The following DLG2 variants were observed in gnomAD, a reference collection of about 807,000 sequenced individuals.
The protein encoded by DLG2 is discs large MAGUK scaffold protein 2, also known as disks large homolog 2.
DLG2 carries 45 observed loss-of-function variants against 132.5 expected under a neutral mutation model. The observed-to-expected ratio is 0.34, with a 90% CI of 0.27 to 0.44. The LOEUF (loss-of-function observed/expected upper bound fraction) is 0.44. Ranked by LOEUF, DLG2 falls within the 20% of genes least tolerant of loss-of-function variation. The pLI, the probability that DLG2 is intolerant of heterozygous loss-of-function variation, is 1.00. For missense variants in DLG2, 1,045 were observed against 1,196.9 expected, an observed-to-expected ratio of 0.87 and a Z score of 1.87; for synonymous variants, 424 against 419.6, an observed-to-expected ratio of 1.01 and a Z score of -0.13.
chr11:84,748,707 C>T (rs967231564), intron 6 of DLG2, among the ~76,000 whole-genome samples: 12 of 152,172 alleles, frequency 7.9e-5, no homozygotes, highest in Admixed American at 3.3e-4. Context: ...GTAAAGGTTA[C>T]GCGGACTGTA....
At chr11:84,227,973 A>C (rs1371080969) in intron 8 of DLG2, among the ~76,000 whole-genome samples, 7 of 152,044 alleles carry the variant, frequency 4.6e-5, no homozygotes, top group Non-Finnish European at 5.9e-5. Flanking sequence ...CACACCACAA[A>C]ATCTGGACTC....
At chr11:83,520,482 T>A (rs1489866739) in intron 21 of DLG2, among the ~76,000 whole-genome samples, 1 of 152,244 alleles carries the variant, frequency 6.6e-6, no homozygotes, top group Non-Finnish European at 1.5e-5. Context: ...AGTCATGATA[T>A]ACCTTTCATT....
At chr11:85,535,067 A>G (rs981660532) in intron 3 of DLG2, among the ~76,000 whole-genome samples, 8 of 152,094 alleles carry the variant, frequency 5.3e-5, no homozygotes, top group Non-Finnish European at 7.4e-5. Context: ...TGTGGTTTTG[A>G]CTTGTATTTC....
At chr11:84,860,317 ACCT>A (rs1205503607) in intron 6 of DLG2, among the ~76,000 whole-genome samples, 1 of 152,038 alleles carries the variant, frequency 6.6e-6, no homozygotes, top group Middle Eastern at 3.2e-3. Context: ...TTCTGTCACC[ACCT>A]CAACACTAAT....
chr11:84,798,563 T>C (rs75012015), intron 6 of DLG2, among the ~76,000 whole-genome samples: 3,393 of 152,238 alleles, frequency 0.022, 133 homozygotes, highest in African/African-American at 0.076. Flanking sequence ...AGACTCACCC[T>C]TCAGGACAGA....
chr11:83,891,458 AAG>A (rs932603616), intron 15 of DLG2, among the ~76,000 whole-genome samples: 3 of 152,228 alleles, frequency 2.0e-5, no homozygotes, highest in Non-Finnish European at 1.5e-5. Context: ...GTAGGCAAAG[AAG>A]AGGTCATGAG....
intron 6 of DLG2, among the ~76,000 whole-genome samples, chr11:84,535,276 C>T (rs577773363): frequency 6.6e-6 from 1 of 152,292 alleles, no homozygotes; most frequent in African/African-American, 2.4e-5. Context: ...GCTTATCTTT[C>T]TTTACTTCAC....
chr11:83,876,708 A>C (rs867953603), intron 15 of DLG2, among the ~76,000 whole-genome samples: 3 of 152,130 alleles, frequency 2.0e-5, no homozygotes, highest in Non-Finnish European at 4.4e-5. Context: ...GCCAGAGTCC[A>C]AACTAAAGCC....
At chr11:85,398,996 G>A (rs1326171151) in intron 3 of DLG2, among the ~76,000 whole-genome samples, 1 of 152,180 alleles carries the variant, frequency 6.6e-6, no homozygotes, top group Non-Finnish European at 1.5e-5. Flanking sequence ...AATTGTCCCT[G>A]TTTGCAGACC....
At chr11:84,283,387 G>C (rs1455290470) in intron 7 of DLG2, among the ~76,000 whole-genome samples, 1 of 152,122 alleles carries the variant, frequency 6.6e-6, no homozygotes, top group Non-Finnish European at 1.5e-5. Flanking sequence ...GATTGTTGAG[G>C]ATTAAATGAG....
chr11:85,153,442 T>A (rs1212268502), intron 5 of DLG2, among the ~76,000 whole-genome samples: 2 of 152,228 alleles, frequency 1.3e-5, no homozygotes, highest in Non-Finnish European at 2.9e-5. Context: ...CACCAAGTCC[T>A]GTCAATTATT....
chr11:83,729,130 A>G (rs562642072), intron 18 of DLG2, among the ~76,000 whole-genome samples: 13 of 152,294 alleles, frequency 8.5e-5, no homozygotes, highest in African/African-American at 2.9e-4. Flanking sequence ...TGTAAAGTAT[A>G]TATTTCTTAT....
chr11:84,068,396 G>A (rs2096709849), intron 10 of DLG2, among the ~76,000 whole-genome samples: 1 of 152,214 alleles, frequency 6.6e-6, no homozygotes, highest in Non-Finnish European at 1.5e-5. Flanking sequence ...CTTTACATGT[G>A]TTATCTCCCT....
intron 7 of DLG2, among the ~76,000 whole-genome samples, chr11:84,504,943 T>G (rs1204126036): frequency 6.6e-6 from 1 of 152,174 alleles, no homozygotes; most frequent in African/African-American, 2.4e-5. Context: ...CACAAATATT[T>G]GCTCGTATTG....
chr11:83,978,309 T>C (rs890293192), intron 12 of DLG2, among the ~76,000 whole-genome samples: 3 of 151,930 alleles, frequency 2.0e-5, no homozygotes, highest in African/African-American at 7.2e-5. Flanking sequence ...ACCAAACTCA[T>C]ATGGAACCGT....
At position 83,455,972 on chromosome 11, in the gene DLG2, C is replaced by T. The variant is rs1021266695; in HGVS notation, c.*3846G>A. On this transcript the variant is annotated 3_prime_UTR_variant, in exon 28 of 28. Transcript: ENST00000376104. The stretch of plus-strand genomic sequence containing the variant: ...GAAAGAAGAGATTTCATTTCACCAG[C>T]AAGTCCATTCAGTCTCACCAGAGCA... The T allele has an allele frequency of 1.3e-5, 2 of 152,570 alleles. No homozygotes were observed. The highest frequency in any genetic ancestry group is 1.5e-5 in the Non-Finnish European group (1 of 68,042). The allele number at this position is 152,570 out of a possible 1,614,324, so 9.5% of individuals were successfully genotyped here. A position where few individuals can be genotyped will look rare whatever the true frequency, so the allele number is the denominator to read the frequency against.
chr11:83,693,374 A>T (rs984506875), intron 18 of DLG2, among the ~76,000 whole-genome samples: 1 of 152,046 alleles, frequency 6.6e-6, no homozygotes, highest in African/African-American at 2.4e-5. Context: ...AACTTTGGGG[A>T]AGCAGAGTCC....
chr11:83,554,761 C>A (rs1319466309), intron 19 of DLG2, among the ~76,000 whole-genome samples: 2 of 152,190 alleles, frequency 1.3e-5, no homozygotes, highest in Non-Finnish European at 2.9e-5. Context: ...CTCCACAGTA[C>A]TATCTTTCCA....
At chr11:85,595,404 A>C (rs1419077878) in intron 3 of DLG2, among the ~76,000 whole-genome samples, 3 of 152,172 alleles carry the variant, frequency 2.0e-5, no homozygotes, top group Admixed American at 6.5e-5. Flanking sequence ...CAAATTCTGG[A>C]AAGTGTTGAT....
Sources: gnomAD v4.1 joint callset for allele counts (sites outside exome capture counted in the v4.1 genomes callset) on GRCh38, gnomAD v4.1.1 for gene constraint, MANE v1.5 for transcripts, NCBI Gene and HGNC (gene_info 2026-07-23, HGNC 2026-07-21) for gene names.